The following RSPH1 variants were observed in gnomAD, a reference collection of about 807,000 sequenced individuals.
RSPH1 encodes radial spoke head component 1, also known as radial spoke head 1 homolog.
RSPH1 carries 32 observed loss-of-function variants against 44.2 expected under a neutral mutation model. That is an observed-to-expected ratio of 0.72 (90% confidence interval 0.55 to 0.97). The LOEUF (loss-of-function observed/expected upper bound fraction) is 0.97, where lower values mean the gene tolerates loss of function less well. RSPH1 is among the 50% of genes least tolerant of loss of function. RSPH1 has a pLI of 0.00. For synonymous variants in RSPH1, 134 were observed against 147.3 expected (o/e 0.91, Z 0.65); for missense variants, 391 against 398.7 (o/e 0.98, Z 0.16).
At chr21:42,477,016 C>T (rs1026713512) in intron 7 of RSPH1, among the ~76,000 whole-genome samples, 2 of 71,244 alleles carry the variant, frequency 2.8e-5, no homozygotes, top group Admixed American at 1.6e-4. Flanking sequence ...GGGGGATGCC[C>T]CACACCCTCT....
At chr21:42,488,244 A>G (rs1467090496) in intron 3 of RSPH1, among the ~76,000 whole-genome samples, 4 of 152,148 alleles carry the variant, frequency 2.6e-5, no homozygotes, top group Non-Finnish European at 5.9e-5. Context: ...ACCTAAATTA[A>G]CCATGAGGAT....
chr21:42,478,008 T>C (rs2054087036), intron 6 of RSPH1, among the ~76,000 whole-genome samples: 1 of 152,108 alleles, frequency 6.6e-6, no homozygotes, highest in Non-Finnish European at 1.5e-5. Flanking sequence ...ACGCAAAAGC[T>C]CAAGTGTCAA....
At chr21:42,484,389 T>G (rs568122453) in intron 5 of RSPH1, among the ~76,000 whole-genome samples, 4 of 152,348 alleles carry the variant, frequency 2.6e-5, no homozygotes, top group African/African-American at 9.6e-5. Flanking sequence ...ACCTACACAA[T>G]AGTCCCAAAT....
chr21:42,483,405 AG>A (rs1294374015), intron 5 of RSPH1, among the ~76,000 whole-genome samples: 1 of 152,136 alleles, frequency 6.6e-6, no homozygotes, highest in African/African-American at 2.4e-5. Flanking sequence ...TGCACTTAAG[AG>A]TCCCAGATCC....
intron 3 of RSPH1, among the ~76,000 whole-genome samples, chr21:42,491,899 G>T (rs960893654): frequency 1.3e-5 from 2 of 152,194 alleles, no homozygotes; most frequent in African/African-American, 2.4e-5. Flanking sequence ...AAGGTTGCAG[G>T]TGTCTCCCTG....
chr21:42,479,021 C>T (rs780719926), intron 6 of RSPH1, among the ~76,000 whole-genome samples: 3 of 152,270 alleles, frequency 2.0e-5, no homozygotes, highest in East Asian at 1.9e-4. Context: ...TCTGGGATAA[C>T]GGACAAGCTC....
intron 8 of RSPH1, 60 bp from the exon 9 acceptor site, chr21:42,472,930 C>CT: frequency 8.1e-7 from 1 of 1,232,004 alleles, no homozygotes; most frequent in Non-Finnish European, 1.2e-6. Context: ...TTTTTAAAGC[C>CT]TTTATTCACT....
rs780026507 is a variant in RSPH1 at position 42,496,163 on chromosome 21, C to A, written c.24G>T (p.Glu8Asp). 10 of 1,614,226 alleles carry A rather than the reference C, an allele frequency of 6.2e-6. No homozygotes were observed. The East Asian group carries it at 2.0e-4, about 32-fold the overall frequency. The change falls in exon 1 of 9, where the codon GAG becomes GAT. Residue 8 changes from glutamate to aspartate, a missense_variant. Physicochemically the swap from Glu to Asp is conservative, Grantham distance 45. Transcript: ENST00000291536. MSDLGSE[E>D]LEEEGENDIG... is the part of the protein sequence containing the mutation. The stretch of plus-strand genomic sequence containing the variant: ...TATCATTCTCTCCCTCCTCCTCCAA[C>A]TCCTCCGAGCCCAGGTCCGACATGG...
chr21:42,475,763 C>T lies in RSPH1; in HGVS notation c.877+135G>A, dbSNP rs564071362. 1.1e-4 allele frequency: 91 copies of T among 863,166 alleles called. 2 individuals are homozygous for T. Among genetic ancestry groups the T allele is most frequent in the South Asian group, 6.6e-5 (3 of 45,766 alleles). 53.5% of individuals were successfully genotyped at this position (863,166 alleles called of 1,614,324 possible). A position where few individuals can be genotyped will look rare whatever the true frequency, so the allele number is the denominator to read the frequency against. On this transcript the variant is annotated intron_variant, in intron 8 of 8. Transcript: ENST00000291536. ...CTGAGATGGCTCCAGTGAGCGCTCACAGGGGGCCCCCTAAGCCTTCCTCGA... is the reference window on the plus strand; with the variant it reads ...CTGAGATGGCTCCAGTGAGCGCTCATAGGGGGCCCCCTAAGCCTTCCTCGA...
chr21:42,494,577 C>G (rs1254314407), intron 1 of RSPH1, among the ~76,000 whole-genome samples: 2 of 152,164 alleles, frequency 1.3e-5, no homozygotes, highest in Admixed American at 6.5e-5. Flanking sequence ...CAAATGTGAT[C>G]TGAACCTAAA....
At chr21:42,478,843 C>T (rs1355081678) in intron 6 of RSPH1, among the ~76,000 whole-genome samples, 2 of 152,138 alleles carry the variant, frequency 1.3e-5, no homozygotes, top group Admixed American at 6.5e-5. Flanking sequence ...TTGAAAACGT[C>T]GTGCTAAATG....
Position 42,492,947 on chromosome 21 carries a change from T to A in RSPH1, c.168+19A>T. On this transcript the variant is annotated intron_variant, in intron 2 of 8. Coordinates refer to ENST00000291536, the MANE Select transcript of RSPH1 (RefSeq NM_080860.4). Reference sequence around the variant, plus strand: ...GTATTAAATAGAGAAAACCATCCAGTCAAGTCAACGGTTCTGACCTGGCCA... The same window carrying A: ...GTATTAAATAGAGAAAACCATCCAGACAAGTCAACGGTTCTGACCTGGCCA... 6.2e-7 allele frequency: 1 copy of A among 1,608,416 alleles called. No individual in the cohort carries two copies. The highest frequency in any genetic ancestry group is 8.5e-7 in the Non-Finnish European group (1 of 1,174,888).
chr21:42,472,945 G>C, intron 8 of RSPH1, 75 bp from the exon 9 acceptor site: 1 of 1,100,066 alleles, frequency 9.1e-7, no homozygotes, highest in Non-Finnish European at 1.3e-6. Context: ...TTCACTAACA[G>C]ATCTTTTGCC....
At chr21:42,493,194 A>T (rs1601638026) in intron 1 of RSPH1, 115 bp from the exon 2 acceptor site, 1 of 853,716 alleles carries the variant, frequency 1.2e-6, no homozygotes, top group South Asian at 1.6e-5. Context: ...AACCCCCGGC[A>T]CTATACTCAA....
chr21:42,481,814 C>T (rs1413953188), intron 6 of RSPH1, among the ~76,000 whole-genome samples: 1 of 152,120 alleles, frequency 6.6e-6, no homozygotes, highest in Non-Finnish European at 1.5e-5. Context: ...ATACGCATCT[C>T]GATGCCTTAT....
intron 6 of RSPH1, among the ~76,000 whole-genome samples, chr21:42,482,014 A>C (rs907946126): frequency 1.3e-5 from 2 of 152,224 alleles, no homozygotes; most frequent in Non-Finnish European, 2.9e-5. Context: ...TTACAGATTC[A>C]GTTTTCACTT....
chr21:42,490,872 A>T (rs749505299), intron 3 of RSPH1, among the ~76,000 whole-genome samples: 31 of 152,144 alleles, frequency 2.0e-4, no homozygotes, highest in Non-Finnish European at 4.3e-4. Flanking sequence ...TTTGGTAAAG[A>T]AGAAGGAAGG....
At chr21:42,486,221 T>C (rs900302271) in intron 4 of RSPH1, 150 bp downstream of exon 4, 13 of 664,538 alleles carry the variant, frequency 2.0e-5, no homozygotes, top group Non-Finnish European at 3.5e-5. Flanking sequence ...CATCCTTGCC[T>C]CAAAGCCATA....
chr21:42,482,529 G>C, intron 6 of RSPH1, 108 bp downstream of exon 6: 3 of 714,310 alleles, frequency 4.2e-6, no homozygotes, highest in Non-Finnish European at 4.8e-6. Context: ...AAGTGCCTAA[G>C]AGTTGGCATA....
Sources: allele counts gnomAD v4.1 joint callset (sites outside exome capture counted in the v4.1 genomes callset), GRCh38; gene constraint gnomAD v4.1.1; transcripts MANE v1.5; gene names NCBI Gene and HGNC (gene_info 2026-07-23, HGNC 2026-07-21).